LOC400499: variants seen among roughly 807,000 people sequenced by gnomAD.
At chr16:11,394,506 G>C in the LOC400499 span, among the ~76,000 whole-genome samples, 1 of 152,288 alleles carries the variant, frequency 6.6e-6, no homozygotes, top group Non-Finnish European at 1.5e-5. Context: ...GGACTTAAGA[G>C]TGTGTGTGCG....
the LOC400499 span, among the ~76,000 whole-genome samples, chr16:11,527,015 G>A: frequency 6.6e-6 from 1 of 152,236 alleles, no homozygotes. Context: ...CAGGTCAACA[G>A]GCATCTGGCT....
At chr16:11,455,745 A>AG in the LOC400499 span, among the ~76,000 whole-genome samples, 4,893 of 149,830 alleles carry the variant, frequency 0.033, 264 homozygotes, top group African/African-American at 0.11. Flanking sequence ...AAAAAAGAAA[A>AG]AAAAAAAAAA....
At chr16:11,393,544 C>T in the LOC400499 span, 14 of 1,232,468 alleles carry the variant, frequency 1.1e-5, no homozygotes, top group Non-Finnish European at 1.3e-5. Context: ...ACCCGCTGAG[C>T]CTTGGAGCCA....
the LOC400499 span, among the ~76,000 whole-genome samples, chr16:11,440,124 G>A: frequency 6.6e-6 from 1 of 152,070 alleles, no homozygotes; most frequent in African/African-American, 2.4e-5. Flanking sequence ...CAGAGATGGG[G>A]ACAGTGTCAC....
the LOC400499 span, chr16:11,384,234 C>T: frequency 8.9e-6 from 11 of 1,232,116 alleles, no homozygotes; most frequent in South Asian, 4.1e-5. Context: ...CCAGGCTGAG[C>T]TCCTCCAGGC....
the LOC400499 span, among the ~76,000 whole-genome samples, chr16:11,442,953 G>C: frequency 6.6e-6 from 1 of 152,128 alleles, no homozygotes; most frequent in Non-Finnish European, 1.5e-5. Flanking sequence ...ATGGTGAAGG[G>C]AGCCCCCAGA....
At chr16:11,381,126 G>T in the LOC400499 span, 1 of 152,186 alleles carries the variant, frequency 6.6e-6, no homozygotes, top group African/African-American at 2.4e-5. Context: ...TTATGCTGCT[G>T]AGTCCTTGGA....
At chr16:11,482,033 A>T in the LOC400499 span, among the ~76,000 whole-genome samples, 1 of 152,230 alleles carries the variant, frequency 6.6e-6, no homozygotes, top group Non-Finnish European at 1.5e-5. Flanking sequence ...AAGTTTACAA[A>T]AGGAACTGGA....
At chr16:11,466,471 T>G in the LOC400499 span, among the ~76,000 whole-genome samples, 1 of 152,032 alleles carries the variant, frequency 6.6e-6, no homozygotes, top group Non-Finnish European at 1.5e-5. Flanking sequence ...CACTGCAACC[T>G]CCACCCCACC....
chr16:11,427,006 CA>C, the LOC400499 span, among the ~76,000 whole-genome samples: 62 of 149,016 alleles, frequency 4.2e-4, no homozygotes, highest in Non-Finnish European at 6.3e-4. Context: ...AATAAATGGG[CA>C]AAAAAAAATT....
the LOC400499 span, chr16:11,523,542 G>T: frequency 5.0e-6 from 2 of 398,134 alleles, no homozygotes; most frequent in Non-Finnish European, 8.9e-6. Context: ...CACGCTATGG[G>T]CCACTGACCT....
the LOC400499 span, among the ~76,000 whole-genome samples, chr16:11,526,522 T>C: frequency 3.2e-3 from 489 of 152,376 alleles, 2 homozygotes; most frequent in African/African-American, 0.012. Context: ...AAACTTAGCA[T>C]CTGAATTGAA....
chr16:11,461,227 G>A, the LOC400499 span: 2 of 1,376,380 alleles, frequency 1.5e-6, no homozygotes, highest in Non-Finnish European at 1.9e-6. Context: ...CTTGGGGTTG[G>A]GGGCTCCTTG....
chr16:11,469,368 C>T, the LOC400499 span: 4 of 398,876 alleles, frequency 1.0e-5, no homozygotes, highest in Middle Eastern at 6.2e-4. Context: ...TAAGATGTAG[C>T]ACCTGTAAAA....
At chr16:11,391,631 C>T in the LOC400499 span, 307 of 1,231,666 alleles carry the variant, frequency 2.5e-4, no homozygotes, top group Middle Eastern at 3.1e-4. Flanking sequence ...CATTGATTTC[C>T]GCACAGGATT....
the LOC400499 span, chr16:11,460,337 T>C: frequency 8.9e-7 from 1 of 1,122,388 alleles, no homozygotes; most frequent in Non-Finnish European, 1.2e-6. Context: ...AGACTGAAGT[T>C]CCAGCCCCGG....
the LOC400499 span, chr16:11,488,944 C>G: frequency 2.5e-6 from 1 of 397,744 alleles, no homozygotes; most frequent in Non-Finnish European, 4.4e-6. Flanking sequence ...AGAAAAGACC[C>G]TCCCGACCCC....
At chr16:11,414,445 G>A in the LOC400499 span, 2 of 400,166 alleles carry the variant, frequency 5.0e-6, no homozygotes, top group Non-Finnish European at 8.8e-6. Flanking sequence ...CACCAGGGCT[G>A]CCAGGTCCAT....
chr16:11,506,255 CCT>C, the LOC400499 span, among the ~76,000 whole-genome samples: 8 of 152,050 alleles, frequency 5.3e-5, no homozygotes, highest in Admixed American at 1.3e-4. Flanking sequence ...GAACTCCTGA[CCT>C]CAGGTGATCT....
Sources: allele counts gnomAD v4.1 joint callset (sites outside exome capture counted in the v4.1 genomes callset), GRCh38; gene constraint gnomAD v4.1.1; transcripts MANE v1.5.